The following EPHA5 variants were observed in gnomAD, a reference collection of about 807,000 sequenced individuals.
The protein encoded by EPHA5 is ephrin type-A receptor 5.
EPHA5 carries 60 observed loss-of-function variants against 105.0 expected under a neutral mutation model. The observed-to-expected ratio is 0.57, with a 90% CI of 0.46 to 0.71. The LOEUF (loss-of-function observed/expected upper bound fraction) is 0.71. EPHA5 is among the 30% of genes least tolerant of loss of function. EPHA5 has a pLI of 0.00. For missense variants in EPHA5, 1,218 were observed against 1,274.7 expected (o/e 0.96, Z 0.68); for synonymous variants, 513 against 449.1 (o/e 1.14, Z -1.80).
intron 3 of EPHA5, among the ~76,000 whole-genome samples, chr4:65,543,698 A>G (rs1168725803): frequency 6.6e-6 from 1 of 151,162 alleles, no homozygotes; most frequent in Non-Finnish European, 1.5e-5. Context: ...CTGTTATTAC[A>G]TTATTCACAG....
chr4:65,615,918 C>T (rs2149467035), intron 2 of EPHA5, among the ~76,000 whole-genome samples: 1 of 151,942 alleles, frequency 6.6e-6, no homozygotes, highest in East Asian at 1.9e-4. Context: ...TTAAAAGGAG[C>T]AATTTCACTC....
intron 5 of EPHA5, among the ~76,000 whole-genome samples, chr4:65,468,608 TATATTA>T (rs1728974372): frequency 3.8e-5 from 5 of 131,950 alleles, no homozygotes; most frequent in African/African-American, 1.4e-4. Flanking sequence ...ATATATTATA[TATATTA>T]TATATATATG....
chr4:65,579,011 A>C (rs546544537), intron 3 of EPHA5, among the ~76,000 whole-genome samples: 16 of 152,182 alleles, frequency 1.1e-4, no homozygotes, highest in African/African-American at 3.8e-4. Context: ...AGGTAGCCTA[A>C]TGTGGGAAAG....
chr4:65,591,099 T>C (rs1248846092), intron 3 of EPHA5, among the ~76,000 whole-genome samples: 1 of 152,084 alleles, frequency 6.6e-6, no homozygotes, highest in Non-Finnish European at 1.5e-5. Flanking sequence ...TGTTAAATTT[T>C]TATTAAGGTG....
intron 2 of EPHA5, among the ~76,000 whole-genome samples, chr4:65,612,070 G>T (rs368261749): frequency 9.2e-6 from 1 of 108,866 alleles, no homozygotes; most frequent in Non-Finnish European, 2.0e-5. Flanking sequence ...GAAAAGAAAA[G>T]AAATTGAGGC....
At chr4:65,633,786 T>C (rs903917899) in intron 2 of EPHA5, among the ~76,000 whole-genome samples, 2 of 152,076 alleles carry the variant, frequency 1.3e-5, no homozygotes, top group Non-Finnish European at 1.5e-5. Flanking sequence ...CAATAACTTG[T>C]ATATGACTCT....
chr4:65,602,378 T>A (rs2149442685), intron 2 of EPHA5, 74 bp from the exon 3 acceptor site: 1 of 1,232,844 alleles, frequency 8.1e-7, no homozygotes, highest in Non-Finnish European at 1.1e-6. Flanking sequence ...GCAAAAATTA[T>A]AAAAGAAAAC....
intron 8 of EPHA5, among the ~76,000 whole-genome samples, chr4:65,393,583 C>G (rs760275191): frequency 1.6e-4 from 24 of 152,318 alleles, no homozygotes; most frequent in Admixed American, 4.6e-4. Flanking sequence ...CCAATAACTT[C>G]ATTTTAATCA....
chr4:65,530,217 C>G (rs1034046092), intron 3 of EPHA5, among the ~76,000 whole-genome samples: 4 of 151,890 alleles, frequency 2.6e-5, no homozygotes, highest in African/African-American at 9.7e-5. Context: ...TAGAGCTATG[C>G]CCAGTAATAG....
chr4:65,468,274 G>A (rs991218088), intron 5 of EPHA5, among the ~76,000 whole-genome samples: 1 of 151,640 alleles, frequency 6.6e-6, no homozygotes, highest in African/African-American at 2.4e-5. Context: ...ATTGTTTTAG[G>A]TCACTGAGCT....
At chr4:65,652,296 C>T (rs1748682385) in intron 1 of EPHA5, among the ~76,000 whole-genome samples, 1 of 152,138 alleles carries the variant, frequency 6.6e-6, no homozygotes, top group East Asian at 1.9e-4. Context: ...TCTATGGTTC[C>T]AGTTCTGCTA....
chr4:65,408,791 A>G (rs547312676), intron 7 of EPHA5, among the ~76,000 whole-genome samples: 1 of 151,692 alleles, frequency 6.6e-6, no homozygotes, highest in Non-Finnish European at 1.5e-5. Flanking sequence ...GCGATTCCTC[A>G]GGGATCTAGA....
Position 65,506,958 on chromosome 4 carries a change from C to T in EPHA5, c.911-11415G>A, listed in dbSNP as rs530888721. 3.8e-3 allele frequency among the ~76,000 whole-genome samples: 571 copies of T among 151,800 alleles called. 6 individuals carry two copies. Among genetic ancestry groups the T allele is most frequent in the African/African-American group, 0.013 (525 of 41,212 alleles). On this transcript the variant is annotated intron_variant, in intron 3 of 16. Coordinates refer to ENST00000613740, the MANE Select transcript of EPHA5 (RefSeq NM_001281766.3). Reference sequence around the variant, plus strand: ...TCCTTGCCCATGCCTATGTCCTGAACGGTATTGCCTAGGTTTTCTTCTAGG... The same window carrying T: ...TCCTTGCCCATGCCTATGTCCTGAATGGTATTGCCTAGGTTTTCTTCTAGG...
intron 3 of EPHA5, among the ~76,000 whole-genome samples, chr4:65,594,847 T>G (rs964731687): frequency 3.9e-5 from 6 of 152,172 alleles, no homozygotes; most frequent in Non-Finnish European, 8.8e-5. Flanking sequence ...TGTTTCATGT[T>G]TGATATGCAT....
intron 3 of EPHA5, among the ~76,000 whole-genome samples, chr4:65,576,115 A>AG (rs1435235938): frequency 4.4e-5 from 2 of 45,692 alleles, no homozygotes. Context: ...AAAGAAAAGA[A>AG]AAAAGAAAAG....
chr4:65,586,363 C>T (rs1057433487), intron 3 of EPHA5, among the ~76,000 whole-genome samples: 5 of 151,660 alleles, frequency 3.3e-5, no homozygotes, highest in Middle Eastern at 3.8e-3. Flanking sequence ...TGATTTTTTT[C>T]ATATTACTGA....
chr4:65,599,139 G>A (rs981392739), intron 3 of EPHA5, among the ~76,000 whole-genome samples: 5 of 152,014 alleles, frequency 3.3e-5, no homozygotes, highest in African/African-American at 1.2e-4. Flanking sequence ...AATAGAAGTA[G>A]ATGATTTAAA....
chr4:65,477,826 A>G (rs1729974925), intron 5 of EPHA5, among the ~76,000 whole-genome samples: 2 of 152,300 alleles, frequency 1.3e-5, no homozygotes, highest in African/African-American at 4.8e-5. Flanking sequence ...TTTGCAGCAC[A>G]CAATTAGTGC....
At position 65,444,882 on chromosome 4, in the gene EPHA5, C is replaced by T. The variant is rs145620187; in HGVS notation, c.1403-24317G>A. Among the ~76,000 whole-genome samples the T allele has an allele frequency of 4.6e-5, 7 of 152,026 alleles. No homozygotes were observed. The East Asian group carries it at 1.4e-3, about 29-fold the overall frequency. ...TTATCCCTAGTCTTTTCCTCATATT[C>T]CTGGGTACCTAAAAAAATTGATATT... On this transcript the variant is annotated intron_variant, in intron 5 of 16. Coordinates refer to ENST00000613740, the MANE Select transcript of EPHA5 (RefSeq NM_001281766.3).
Sources: allele counts gnomAD v4.1 joint callset (sites outside exome capture counted in the v4.1 genomes callset), GRCh38; gene constraint gnomAD v4.1.1; transcripts MANE v1.5; gene names NCBI Gene and HGNC (gene_info 2026-07-23, HGNC 2026-07-21).